The following TDP1 variants were observed in gnomAD, a reference collection of about 807,000 sequenced individuals.
TDP1 encodes the protein tyrosyl-DNA phosphodiesterase 1.
A neutral mutation model predicts 81.5 loss-of-function variants in TDP1; 64 were observed. The observed-to-expected ratio is 0.79, with a 90% CI of 0.64 to 0.97. The LOEUF (loss-of-function observed/expected upper bound fraction) is 0.97. TDP1 is among the 50% of genes least tolerant of loss of function. TDP1 has a pLI of 0.00. For synonymous variants in TDP1, 256 were observed against 264.3 expected (o/e 0.97, Z 0.30); for missense variants, 723 against 743.8 (o/e 0.97, Z 0.33).
chr14:89,980,461 G>C, intron 7 of TDP1, 79 bp from the exon 8 acceptor site: 1 of 1,467,446 alleles, frequency 6.8e-7, no homozygotes, highest in Non-Finnish European at 9.5e-7. Flanking sequence ...CTTTAGCTAT[G>C]TATTACATTT....
At chr14:90,035,022 T>G (rs990724658) in intron 16 of TDP1, among the ~76,000 whole-genome samples, 9 of 151,552 alleles carry the variant, frequency 5.9e-5, no homozygotes, top group Non-Finnish European at 1.0e-4. Flanking sequence ...GAACCAAGCC[T>G]CCTCTGTCCC....
chr14:89,957,142 A>G (rs910086273), intron 2 of TDP1: 34 of 152,166 alleles, frequency 2.2e-4, no homozygotes, highest in African/African-American at 8.2e-4. Flanking sequence ...TCTGGGTCTC[A>G]TTTATATGTT....
At chr14:89,961,656 G>T (rs905142528) in intron 2 of TDP1, among the ~76,000 whole-genome samples, 2 of 152,114 alleles carry the variant, frequency 1.3e-5, no homozygotes. Context: ...ATCATGGCCC[G>T]GAACTCAGTT....
chr14:89,992,446 A>T (rs1033073935), intron 13 of TDP1, among the ~76,000 whole-genome samples: 1 of 152,124 alleles, frequency 6.6e-6, no homozygotes, highest in African/African-American at 2.4e-5. Context: ...AAGTGAAGGG[A>T]ATGTCCTTCA....
chr14:89,972,841 G>A (rs866933100), intron 6 of TDP1, among the ~76,000 whole-genome samples: 2 of 152,102 alleles, frequency 1.3e-5, no homozygotes, highest in South Asian at 2.1e-4. Flanking sequence ...TTTCCTTATC[G>A]TTAGCTTAGT....
rs1000150685 is a variant in TDP1, at chr14:89,989,819, C to G, written c.1366+54C>G. On this transcript the variant is annotated intron_variant, in intron 12 of 16. Coordinates refer to ENST00000335725, the MANE Select transcript of TDP1 (RefSeq NM_018319.4). ...TGTTTTATGTATATTTCATGAATGT[C>G]CTGGTAAAGTTTTACTACTATTGCG... 18 of 1,386,526 alleles carry G rather than the reference C, an allele frequency of 1.3e-5. No individual in the cohort carries two copies. In the Admixed American group the frequency reaches 3.0e-4, roughly 23 times the overall value. 85.9% of individuals were successfully genotyped at this position (1,386,526 alleles called of 1,614,324 possible).
In TDP1 at chr14:90,025,004, C is replaced by G. The variant is rs34758387; in HGVS notation, c.1644+5586C>G. On this transcript the variant is annotated intron_variant, in intron 15 of 16. Coordinates refer to ENST00000335725, the MANE Select transcript of TDP1 (RefSeq NM_018319.4). Reference sequence around the variant, plus strand: ...TCCTTCATATCTCTTGGGTAGAACTCTGTGTCCGCACCACCCACATGTCTG... The same window carrying G: ...TCCTTCATATCTCTTGGGTAGAACTGTGTGTCCGCACCACCCACATGTCTG... Among the ~76,000 whole-genome samples, 584 of 152,278 alleles carry G rather than the reference C, an allele frequency of 3.8e-3. 2 individuals carry two copies. The highest frequency in any genetic ancestry group is 0.014 in the African/African-American group (564 of 41,540).
chr14:89,998,610 G>A (rs1896929816), intron 14 of TDP1, among the ~76,000 whole-genome samples: 1 of 151,542 alleles, frequency 6.6e-6, no homozygotes, highest in Non-Finnish European at 1.5e-5. Flanking sequence ...TAGGGTGTGA[G>A]TGCTCGGGTT....
chr14:90,032,362 G>A (rs1362774276), intron 15 of TDP1, among the ~76,000 whole-genome samples: 1 of 152,026 alleles, frequency 6.6e-6, no homozygotes, highest in Non-Finnish European at 1.5e-5. Flanking sequence ...TGGATGGGTG[G>A]ACAGAAGGAA....
At chr14:89,981,047 G>C (rs1446611818) in intron 8 of TDP1, among the ~76,000 whole-genome samples, 1 of 152,190 alleles carries the variant, frequency 6.6e-6, no homozygotes, top group Non-Finnish European at 1.5e-5. Context: ...GGATTTACCA[G>C]ATAGCTTTTG....
intron 15 of TDP1, among the ~76,000 whole-genome samples, chr14:90,024,291 A>C (rs1035183665): frequency 6.6e-6 from 1 of 152,186 alleles, no homozygotes; most frequent in Non-Finnish European, 1.5e-5. Context: ...CATAATCTGT[A>C]CTGAGAATGA....
At chr14:89,995,439 A>G (rs931161335) in intron 14 of TDP1, among the ~76,000 whole-genome samples, 5 of 152,216 alleles carry the variant, frequency 3.3e-5, no homozygotes, top group African/African-American at 1.2e-4. Flanking sequence ...TTTTCTACAA[A>G]GACTAGTTAA....
chr14:89,982,708 A>G (rs1042898749), intron 8 of TDP1, among the ~76,000 whole-genome samples: 1 of 152,170 alleles, frequency 6.6e-6, no homozygotes, highest in Admixed American at 6.5e-5. Flanking sequence ...CTAGGTAGGA[A>G]CGGTTCAAAA....
intron 15 of TDP1, among the ~76,000 whole-genome samples, chr14:90,021,907 T>A (rs1886133514): frequency 6.6e-6 from 1 of 152,194 alleles, no homozygotes; most frequent in Non-Finnish European, 1.5e-5. Flanking sequence ...CCTGGAACAG[T>A]GCTTTCCAGC....
At chr14:89,978,010 G>C (rs1387145720) in intron 7 of TDP1, among the ~76,000 whole-genome samples, 1 of 152,228 alleles carries the variant, frequency 6.6e-6, no homozygotes, top group Non-Finnish European at 1.5e-5. Flanking sequence ...GCAGCTGAAT[G>C]TCAAATATCC....
Position 89,984,542 on chromosome 14 carries a change from G to T in TDP1, c.911G>T (p.Arg304Leu). 6.2e-7 allele frequency: 1 copy of T among 1,614,012 alleles called. No homozygotes were observed. The change falls in exon 9 of 17, where the codon CGA becomes CTA. Residue 304 changes from arginine to leucine, a missense_variant. Coordinates refer to ENST00000335725, the MANE Select transcript of TDP1 (RefSeq NM_018319.4). ...ATATGGTTGAGCCCCTTATACCCAC[G>T]AATTGCTGATGGAACCCACAAATCT... Reference protein sequence around the residue: ...QGIWLSPLYPRIADGTHKSGE... With the variant: ...QGIWLSPLYPLIADGTHKSGE...
intron 14 of TDP1, 68 bp from the exon 15 acceptor site, chr14:90,019,248 C>T: frequency 7.6e-7 from 1 of 1,317,462 alleles, no homozygotes; most frequent in Non-Finnish European, 1.1e-6. Context: ...GCTCTTGCAG[C>T]TGTGGAAGTT....
chr14:89,999,641 A>G (rs914856437), intron 14 of TDP1, among the ~76,000 whole-genome samples: 1 of 152,254 alleles, frequency 6.6e-6, no homozygotes, highest in Non-Finnish European at 1.5e-5. Context: ...AGAGAATTAT[A>G]GGCAATATGA....
chr14:90,033,981 C>T (rs949226215), intron 16 of TDP1, among the ~76,000 whole-genome samples: 9 of 151,952 alleles, frequency 5.9e-5, no homozygotes, highest in African/African-American at 2.2e-4. Flanking sequence ...GTAGAAGAAT[C>T]GCTTGAGCCC....
Sources: gnomAD v4.1 joint callset for allele counts (sites outside exome capture counted in the v4.1 genomes callset) on GRCh38, gnomAD v4.1.1 for gene constraint, MANE v1.5 for transcripts, NCBI Gene and HGNC (gene_info 2026-07-23, HGNC 2026-07-21) for gene names.